Variants in POU2F3 observed in about 807,000 individuals in gnomAD.
POU2F3 encodes the protein POU class 2 homeobox 3.
A neutral mutation model predicts 59.2 loss-of-function variants in POU2F3; 23 were observed. The observed-to-expected ratio is 0.39, with a 90% CI of 0.28 to 0.55. The LOEUF (loss-of-function observed/expected upper bound fraction) is 0.55. Ranked by LOEUF, POU2F3 falls within the 20% of genes least tolerant of loss-of-function variation. The pLI, the probability that POU2F3 is intolerant of heterozygous loss-of-function variation, is 0.66. For synonymous variants in POU2F3, 190 were observed against 214.6 expected, an observed-to-expected ratio of 0.89 and a Z score of 1.00; for missense variants, 473 against 544.5, an observed-to-expected ratio of 0.87 and a Z score of 1.31.
At chr11:120,293,576 G>A (rs766757305) in intron 3 of POU2F3, among the ~76,000 whole-genome samples, 2 of 152,174 alleles carry the variant, frequency 1.3e-5, no homozygotes, top group Non-Finnish European at 2.9e-5. Context: ...GCTTTGAAAC[G>A]CTCCTTCTTG....
chr11:120,297,444 C>G (rs1941222124), intron 3 of POU2F3, among the ~76,000 whole-genome samples: 1 of 152,188 alleles, frequency 6.6e-6, no homozygotes, highest in African/African-American at 2.4e-5. Flanking sequence ...GGGAGACAGG[C>G]AAAGACTGTC....
chr11:120,307,244 G>A (rs911033152), intron 8 of POU2F3, among the ~76,000 whole-genome samples: 3 of 152,222 alleles, frequency 2.0e-5, no homozygotes, highest in African/African-American at 4.8e-5. Context: ...GGAGGGTCAC[G>A]GAGGGCCACA....
rs1008116458 is a variant in POU2F3 at position 120,307,381 on chromosome 11, A to G, written c.770-98A>G. 4 of 1,412,438 alleles carry G rather than the reference A, an allele frequency of 2.8e-6. No homozygotes were observed. In the Admixed American group the frequency reaches 5.5e-5, roughly 19 times the overall value. 87.5% of individuals were successfully genotyped at this position (1,412,438 alleles called of 1,614,324 possible). The stretch of plus-strand genomic sequence containing the variant: ...GGATTGCTCCTGAAAATGCCACTGC[A>G]GAGCCCATCGGGAAGGGTTGTTGGA... On this transcript the variant is annotated intron_variant, in intron 8 of 12. Transcript: ENST00000543440.
chr11:120,317,314 A>G lies in POU2F3; in HGVS notation c.1221A>G (p.Gln407=), dbSNP rs377039236. The change falls in exon 12 of 13, where the codon CAA becomes CAG. Residue 407 remains glutamine (Q), a synonymous_variant. Coordinates refer to ENST00000543440, the MANE Select transcript of POU2F3 (RefSeq NM_014352.4). ...GLHASSPTAS[Q]NNSKAAVNSA... ...ACGCCAGCAGCCCCACTGCATCTCA[A>G]AATAACTCCAAAGCAGCAGTGAACT... is the stretch of plus-strand genomic sequence containing the variant. 1.0e-4 allele frequency: 161 copies of G among 1,613,936 alleles called. 1 individual carries two copies. The highest frequency in any genetic ancestry group is 1.0e-4 in the Non-Finnish European group (121 of 1,179,988).
chr11:120,298,985 T>G (rs1941268466), intron 4 of POU2F3, among the ~76,000 whole-genome samples: 1 of 152,094 alleles, frequency 6.6e-6, no homozygotes, highest in South Asian at 2.1e-4. Context: ...AAACCTAAGC[T>G]CAACCTCATG....
intron 3 of POU2F3, among the ~76,000 whole-genome samples, chr11:120,297,752 C>T (rs1443071659): frequency 6.6e-6 from 1 of 151,918 alleles, no homozygotes; most frequent in Non-Finnish European, 1.5e-5. Flanking sequence ...AGAATATCAT[C>T]TCAGAATTTC....
intron 4 of POU2F3, among the ~76,000 whole-genome samples, chr11:120,299,149 C>G (rs867495623): frequency 1.3e-5 from 2 of 152,162 alleles, no homozygotes; most frequent in Non-Finnish European, 2.9e-5. Context: ...GCTCCACCCC[C>G]CAACTCCCAC....
chr11:120,261,642 A>G (rs1939608571), intron 2 of POU2F3, among the ~76,000 whole-genome samples: 1 of 152,156 alleles, frequency 6.6e-6, no homozygotes, highest in African/African-American at 2.4e-5. Flanking sequence ...TTTTATTTGT[A>G]TACAGAACCA....
At chr11:120,236,738 C>G (rs114411459), upstream of POU2F3, 1,324 of 1,446,530 alleles carry the variant, frequency 9.2e-4, 13 homozygotes, top group African/African-American at 0.017. Context: ...CCCATTCTAG[C>G]TCATCTAACT....
At chr11:120,241,976 C>T (rs920482761) in intron 1 of POU2F3, among the ~76,000 whole-genome samples, 2 of 152,168 alleles carry the variant, frequency 1.3e-5, no homozygotes, top group Non-Finnish European at 2.9e-5. Flanking sequence ...ACACCTTCTC[C>T]ACCCTGTCCC....
chr11:120,317,196 T>G lies in POU2F3; in HGVS notation c.1136-33T>G, dbSNP rs747122767. 2.5e-6 allele frequency: 4 copies of G among 1,612,646 alleles called. No individual in the cohort carries two copies. The Admixed American group carries it at 6.7e-5, about 27-fold the overall frequency. The stretch of plus-strand genomic sequence containing the variant: ...ATGTCCCGGGATCCAGCAGCATTAT[T>G]TCCCCCTTGTTTTTGCCTCTCCTTA... On this transcript the variant is annotated intron_variant, in intron 11 of 12. Transcript: ENST00000543440.
At chr11:120,301,003 G>A (rs1400832539) in intron 5 of POU2F3, 2 of 455,554 alleles carry the variant, frequency 4.4e-6, no homozygotes, top group Admixed American at 2.4e-5. Flanking sequence ...TCATACTCCT[G>A]GAATGGAAAA....
intron 9 of POU2F3, 53 bp downstream of exon 9, chr11:120,307,668 G>C: frequency 1.2e-6 from 2 of 1,606,396 alleles, no homozygotes; most frequent in Non-Finnish European, 1.7e-6. Context: ...CAGGTAGGGA[G>C]AGCAGACACG....
Position 120,285,016 on chromosome 11 carries a change from A to C in POU2F3, c.133-13249A>C, listed in dbSNP as rs978353086. On this transcript the variant is annotated intron_variant, in intron 3 of 12. Coordinates refer to ENST00000543440, the MANE Select transcript of POU2F3 (RefSeq NM_014352.4). The surrounding 1 kb of genome is among the most constrained non-coding windows in gnomAD (Gnocchi z 4.3). ...GGAGTGCAGGTGTACAGAACTAAATATATTCCATTTTTATCGTTCAAGATT... is the reference window on the plus strand; with the variant it reads ...GGAGTGCAGGTGTACAGAACTAAATCTATTCCATTTTTATCGTTCAAGATT... Among the ~76,000 whole-genome samples the C allele has an allele frequency of 9.8e-5, 15 of 152,340 alleles. No homozygotes were observed. The highest frequency in any genetic ancestry group is 3.6e-4 in the African/African-American group (15 of 41,584).
chr11:120,267,703 T>C (rs1939888820), intron 2 of POU2F3, among the ~76,000 whole-genome samples: 1 of 152,172 alleles, frequency 6.6e-6, no homozygotes, highest in Non-Finnish European at 1.5e-5. Flanking sequence ...GAGCCTCTTA[T>C]CCATGTTAGG....
At chr11:120,292,826 C>T (rs1221527454) in intron 3 of POU2F3, among the ~76,000 whole-genome samples, 3 of 152,212 alleles carry the variant, frequency 2.0e-5, no homozygotes, top group Non-Finnish European at 4.4e-5. Flanking sequence ...GAGGGCACAG[C>T]GCCCTCCCAA....
At chr11:120,304,330 C>CAAAAAAAAAAAAAAAAA (rs768088081) in intron 6 of POU2F3, 1 of 120,538 alleles carries the variant, frequency 8.3e-6, no homozygotes, top group African/African-American at 3.6e-5. Flanking sequence ...GATCCTGATT[C>CAAAAAAAAAAAAAAAAA]AAAAAAAAAA....
intron 2 of POU2F3, among the ~76,000 whole-genome samples, chr11:120,263,395 C>T (rs1158800931): frequency 6.6e-6 from 1 of 152,168 alleles, no homozygotes; most frequent in Non-Finnish European, 1.5e-5. Flanking sequence ...ATTCCTGTTA[C>T]ATTTTATCTT....
intron 3 of POU2F3, among the ~76,000 whole-genome samples, chr11:120,292,342 G>T (rs1941051902): frequency 1.3e-5 from 2 of 150,202 alleles, no homozygotes; most frequent in African/African-American, 5.0e-5. Context: ...GCAGCCCAGG[G>T]ATATGTTAAA....
Sources: allele counts gnomAD v4.1 joint callset (sites outside exome capture counted in the v4.1 genomes callset), GRCh38; gene constraint gnomAD v4.1.1; non-coding constraint Gnocchi (gnomAD v3.1); transcripts MANE v1.5; gene names NCBI Gene and HGNC (gene_info 2026-07-23, HGNC 2026-07-21).